ANK3: variants seen among roughly 807,000 people sequenced by gnomAD.
ANK3 encodes ankyrin 3.
Under a neutral mutation model 370.9 loss-of-function variants are expected in ANK3, and 57 were observed. The ratio of observed to expected loss-of-function variants is 0.15; its 90% CI spans 0.12 to 0.19. The LOEUF (loss-of-function observed/expected upper bound fraction) is 0.19, where lower values mean the gene tolerates loss of function less well. Among genes scored for constraint, ANK3 ranks in the 10% least tolerant of loss-of-function variants. The probability of loss-of-function intolerance (pLI) is 1.00; values close to 1 mark genes in which losing one functional copy is unlikely to be tolerated. For synonymous variants in ANK3, 1,929 were observed against 1,946.3 expected (o/e 0.99, Z 0.23); for missense variants, 4,439 against 5,302.1 (o/e 0.84, Z 5.06).
chr10:60,575,898 AAAT>A (rs1444942806), intron 2 of ANK3, among the ~76,000 whole-genome samples: 1 of 152,228 alleles, frequency 6.6e-6, no homozygotes, highest in Non-Finnish European at 1.5e-5. Flanking sequence ...GCATTCAAAG[AAAT>A]AATGATTGTT....
In ANK3 at chr10:60,200,216, T is replaced by C. The variant is rs2096651048; in HGVS notation, c.1404A>G (p.Thr468=). The change falls in exon 13 of 44, where the codon ACA becomes ACG. Residue 468 remains threonine (T), a synonymous_variant. Transcript: ENST00000280772. The part of the protein sequence containing the change: ...SPNTTNVRGE[T]ALHMAARSGQ... ...CGGAGCGAGCTGCCATGTGCAGTGC[T>C]GTTTCTCCTCTCTGGGGAACATGAG... The C allele has an allele frequency of 6.2e-7, 1 of 1,614,026 alleles. No homozygotes were observed. Among genetic ancestry groups the C allele is most frequent in the South Asian group, 1.1e-5 (1 of 91,064 alleles).
At chr10:60,246,350 TAAATG>T (rs1266729269) in intron 7 of ANK3, among the ~76,000 whole-genome samples, 1 of 151,522 alleles carries the variant, frequency 6.6e-6, no homozygotes, top group Admixed American at 6.6e-5. Flanking sequence ...AGACTTTAAT[TAAATG>T]AAATAGGTCT....
At chr10:60,316,703 G>A (rs1293477824) in intron 1 of ANK3, among the ~76,000 whole-genome samples, 3 of 151,988 alleles carry the variant, frequency 2.0e-5, no homozygotes, top group African/African-American at 4.8e-5. Context: ...TGCCTATATC[G>A]TAAGTATAGT....
intron 1 of ANK3, among the ~76,000 whole-genome samples, chr10:60,359,239 C>T (rs1273362766): frequency 6.6e-6 from 1 of 151,994 alleles, no homozygotes; most frequent in East Asian, 1.9e-4. Context: ...AGACATCTGG[C>T]TCTCCTCTTT....
chr10:60,382,074 C>T (rs1258450083), intron 1 of ANK3, among the ~76,000 whole-genome samples: 2 of 152,116 alleles, frequency 1.3e-5, no homozygotes, highest in African/African-American at 4.8e-5. Flanking sequence ...TAAAAGAATG[C>T]TATTCATCTG....
At chr10:60,301,343 TATAC>T (rs1448933630) in intron 1 of ANK3, among the ~76,000 whole-genome samples, 1 of 148,564 alleles carries the variant, frequency 6.7e-6, no homozygotes, top group Admixed American at 6.8e-5. Context: ...TATACATATA[TATAC>T]ACACACATGC....
intron 12 of ANK3, among the ~76,000 whole-genome samples, chr10:60,200,606 C>T (rs1364760528): frequency 6.6e-6 from 1 of 151,702 alleles, no homozygotes; most frequent in Non-Finnish European, 1.5e-5. Flanking sequence ...AGCCAACCCC[C>T]CACCCCACAC....
At chr10:60,277,300 A>T (rs956625142) in intron 4 of ANK3, among the ~76,000 whole-genome samples, 1 of 152,204 alleles carries the variant, frequency 6.6e-6, no homozygotes, top group Non-Finnish European at 1.5e-5. Context: ...TAAAATGGAG[A>T]GCAAAAGGCC....
At position 60,658,587 on chromosome 10, in the gene ANK3, G is replaced by A. The variant is rs192874235; in HGVS notation, c.58-43363C>T. ...TTTGTTTTAAGCGATTATAGCTTTC[G>A]TATTTACCCACATATTCACCATCTC... On this transcript the variant is annotated intron_variant, in intron 1 of 43. Coordinates refer to the ANK3 transcript ENST00000373827. Among the ~76,000 whole-genome samples the A allele has an allele frequency of 2.9e-4, 44 of 152,118 alleles. 1 individual carries two copies. Among genetic ancestry groups the A allele is most frequent in the Admixed American group, 1.2e-3 (19 of 15,254 alleles).
Position 60,041,639 on chromosome 10 carries a change from G to A in ANK3, c.*19+1033C>T, listed in dbSNP as rs140199364. On this transcript the variant is annotated intron_variant, in intron 43 of 43. Coordinates refer to ENST00000280772, the MANE Select transcript of ANK3 (RefSeq NM_020987.5). ...AACATTCTTTCCAGAATGCTCTGCA[G>A]TTCTGAGTGGTCTTCTCAATGCCAT... Among the ~76,000 whole-genome samples, 636 of 152,322 alleles carry A rather than the reference G, an allele frequency of 4.2e-3. 4 individuals are homozygous for A. Among genetic ancestry groups the A allele is most frequent in the Middle Eastern group, 0.02 (6 of 294 alleles).
At chr10:60,605,072 C>T (rs1395765969) in intron 2 of ANK3, among the ~76,000 whole-genome samples, 2 of 152,140 alleles carry the variant, frequency 1.3e-5, no homozygotes, top group Non-Finnish European at 2.9e-5. Flanking sequence ...TTGTAAATGG[C>T]TGATTGCAGT....
chr10:60,214,824 G>A (rs867077518), intron 8 of ANK3, among the ~76,000 whole-genome samples: 2 of 152,072 alleles, frequency 1.3e-5, no homozygotes, highest in South Asian at 2.1e-4. Flanking sequence ...ATAAACATAC[G>A]TGTGCATATG....
At chr10:60,496,751 G>C (rs202049090) in intron 2 of ANK3, among the ~76,000 whole-genome samples, 1 of 110,184 alleles carries the variant, frequency 9.1e-6, no homozygotes, top group African/African-American at 3.4e-5. Context: ...AAAAAAAAAA[G>C]ATCACCCTAA....
intron 18 of ANK3, among the ~76,000 whole-genome samples, chr10:60,174,632 A>T (rs2095876881): frequency 6.6e-6 from 1 of 152,264 alleles, no homozygotes; most frequent in Non-Finnish European, 1.5e-5. Flanking sequence ...TCTAAATATT[A>T]AAAAATTCTT....
chr10:60,588,201 T>TA (rs1567166672), intron 2 of ANK3, among the ~76,000 whole-genome samples: 4 of 149,202 alleles, frequency 2.7e-5, no homozygotes, highest in African/African-American at 9.8e-5. Flanking sequence ...TTATTATTAT[T>TA]TGAGATGGAT....
chr10:60,180,730 T>C (rs2096149261), intron 18 of ANK3, among the ~76,000 whole-genome samples: 1 of 151,764 alleles, frequency 6.6e-6, no homozygotes, highest in African/African-American at 2.4e-5. Flanking sequence ...TGTGAAGCTA[T>C]ATCTTTGATG....
intron 2 of ANK3, among the ~76,000 whole-genome samples, chr10:60,509,028 A>G (rs1277267882): frequency 1.3e-5 from 2 of 152,112 alleles, no homozygotes; most frequent in Non-Finnish European, 2.9e-5. Flanking sequence ...AAATGGTGCT[A>G]GTTATTGCTG....
intron 7 of ANK3, among the ~76,000 whole-genome samples, chr10:60,244,935 C>T (rs1218793747): frequency 6.6e-6 from 1 of 152,066 alleles, no homozygotes; most frequent in Non-Finnish European, 1.5e-5. Context: ...TTTGGGAGGC[C>T]GAGGCGGGCG....
At chr10:60,408,861 T>C (rs780373882) in intron 2 of ANK3, among the ~76,000 whole-genome samples, 2 of 152,168 alleles carry the variant, frequency 1.3e-5, no homozygotes, top group African/African-American at 2.4e-5. Flanking sequence ...CAGGCTTTTA[T>C]ATGAACTCAA....
Sources: gnomAD v4.1 joint callset for allele counts (sites outside exome capture counted in the v4.1 genomes callset) on GRCh38, gnomAD v4.1.1 for gene constraint, MANE v1.5 for transcripts, NCBI Gene and HGNC (gene_info 2026-07-23, HGNC 2026-07-21) for gene names.